CTSK: variants seen among roughly 807,000 people sequenced by gnomAD.
CTSK encodes cathepsin K.
CTSK carries 26 observed loss-of-function variants against 40.5 expected under a neutral mutation model. The observed-to-expected ratio is 0.64, with a 90% CI of 0.47 to 0.89. The LOEUF (loss-of-function observed/expected upper bound fraction) is 0.89. Among genes scored for constraint, CTSK ranks in the 40% least tolerant of loss-of-function variants. The pLI is 0.00. For synonymous variants in CTSK, 132 were observed against 143.2 expected (o/e 0.92, Z 0.56); for missense variants, 292 against 400.1 (o/e 0.73, Z 2.30).
At chr1:150,804,303 C>T in intron 4 of CTSK, 64 bp from the exon 5 acceptor site, 1 of 1,315,978 alleles carries the variant, frequency 7.6e-7, no homozygotes, top group South Asian at 1.2e-5. Context: ...TTCTCTCTAC[C>T]TGCCTGAAGA....
intron 7 of CTSK, among the ~76,000 whole-genome samples, chr1:150,798,524 G>A (rs899353488): frequency 3.3e-5 from 5 of 152,326 alleles, no homozygotes; most frequent in African/African-American, 9.6e-5. Context: ...GTTGGTTTAT[G>A]TATGTCACTA....
At position 150,796,408 on chromosome 1, in the gene CTSK, G is replaced by C. The variant is rs1160499879; in HGVS notation, c.*391C>G. ...ATATAGAAGGGAACTTAGGAAGTGA[G>C]AAGTCAGATTACCCTAGTCCTCTAG... On this transcript the variant is annotated 3_prime_UTR_variant, in exon 8 of 8. Coordinates refer to ENST00000271651, the MANE Select transcript of CTSK (RefSeq NM_000396.4). 1 of 259,216 alleles carries C rather than the reference G, an allele frequency of 3.9e-6. No individual in the cohort carries two copies. The highest frequency in any genetic ancestry group is 2.2e-5 in the African/African-American group (1 of 45,790). The allele number at this position is 259,216 out of a possible 1,614,324, so 16.1% of individuals were successfully genotyped here. A position where few individuals can be genotyped will look rare whatever the true frequency, so the allele number is the denominator to read the frequency against.
chr1:150,797,592 C>T (rs771134019), intron 7 of CTSK, among the ~76,000 whole-genome samples: 35 of 152,110 alleles, frequency 2.3e-4, no homozygotes, highest in East Asian at 5.8e-4. Context: ...AGAGAGACGA[C>T]GTGAGAAAGA....
rs1557826527 is a variant in CTSK, at chr1:150,806,022, A to G, written c.244-6T>C. ...TGAACCACCTCTTCACTGGTCTAAG[A>G]CAAAGAAGAAAGAGGCCAGGCATCA... On this transcript the variant is annotated splice_region_variant and splice_polypyrimidine_tract_variant and intron_variant, in intron 3 of 7. Coordinates refer to ENST00000271651, the MANE Select transcript of CTSK (RefSeq NM_000396.4). The G allele has an allele frequency of 6.2e-7, 1 of 1,614,220 alleles. No individual in the cohort carries two copies. The highest frequency in any genetic ancestry group is 8.5e-7 in the Non-Finnish European group (1 of 1,180,046).
At chr1:150,800,587 A>T (rs1571124354) in intron 5 of CTSK, 1 of 207,772 alleles carries the variant, frequency 4.8e-6, no homozygotes, top group East Asian at 1.1e-4. Flanking sequence ...ATGGAATCGA[A>T]TAATAGCCCA....
chr1:150,803,922 T>G (rs1300344571), intron 5 of CTSK, 99 bp downstream of exon 5: 1 of 1,059,666 alleles, frequency 9.4e-7, no homozygotes, highest in Non-Finnish European at 1.5e-6. Context: ...CAGGATAGGA[T>G]AACAGAAAAC....
chr1:150,806,844 G>C, intron 1 of CTSK, 38 bp from the exon 2 acceptor site: 1 of 1,610,796 alleles, frequency 6.2e-7, no homozygotes, highest in Non-Finnish European at 8.5e-7. Context: ...TCTTCCATTT[G>C]GCAGGGAAAC....
rs1474422274 is a variant in CTSK, at chr1:150,806,795, A to G, written c.11T>C (p.Leu4Pro). 6.2e-7 allele frequency: 1 copy of G among 1,613,960 alleles called. No homozygotes were observed. Among genetic ancestry groups the G allele is most frequent in the Non-Finnish European group, 8.5e-7 (1 of 1,180,034 alleles). MWG[L>P]KVLLLPVVSF... ...CACCACAGGTAGCAGCAGAACCTTG[A>G]GCCCCCACATCCTGCAGAAGAATGT... The change falls in exon 2 of 8, where the codon CTC (leucine) becomes CCC (proline). Residue 4 changes from leucine (L) to proline (P), a missense_variant. Leu to Pro is a moderately conservative substitution (Grantham distance 98). Coordinates refer to ENST00000271651, the MANE Select transcript of CTSK (RefSeq NM_000396.4).
At chr1:150,802,631 T>C (rs1654014820) in intron 5 of CTSK, among the ~76,000 whole-genome samples, 1 of 152,114 alleles carries the variant, frequency 6.6e-6, no homozygotes, top group Admixed American at 6.5e-5. Flanking sequence ...TGTACCAGGC[T>C]GATCTGGAAC....
At chr1:150,805,413 C>T (rs1445463577) in intron 4 of CTSK, among the ~76,000 whole-genome samples, 1 of 151,772 alleles carries the variant, frequency 6.6e-6, no homozygotes, top group Non-Finnish European at 1.5e-5. Flanking sequence ...GAGGCTGAGG[C>T]AGGTGGATCA....
chr1:150,806,959 C>T (rs1048435976), intron 1 of CTSK, among the ~76,000 whole-genome samples, 153 bp from the exon 2 acceptor site: 2 of 151,218 alleles, frequency 1.3e-5, no homozygotes, highest in African/African-American at 2.4e-5. Context: ...GCTGGTACAT[C>T]TGGTTCCAAG....
chr1:150,804,089 T>C lies in CTSK; in HGVS notation c.550A>G (p.Asn184Asp). The change falls in exon 5 of 8, where the codon AAT becomes GAT. Residue 184 changes from asparagine to aspartate, a missense_variant. Coordinates refer to ENST00000271651, the MANE Select transcript of CTSK (RefSeq NM_000396.4). ...TTCTTCTGCACATATTGGAAGGCATTGGTCATGTAGCCCCCTCCACAGCCA... is the reference window on the plus strand; with the variant it reads ...TTCTTCTGCACATATTGGAAGGCATCGGTCATGTAGCCCCCTCCACAGCCA... ...NDGCGGGYMT[N>D]AFQYVQKNRG... 3.1e-6 allele frequency: 5 copies of C among 1,614,194 alleles called. No individual in the cohort carries two copies. The highest frequency in any genetic ancestry group is 4.2e-6 in the Non-Finnish European group (5 of 1,180,034).
intron 7 of CTSK, 56 bp from the exon 8 acceptor site, chr1:150,796,954 A>T (rs1015655403): frequency 1.7e-6 from 2 of 1,179,404 alleles, no homozygotes. Flanking sequence ...ATTCATTAAA[A>T]TATTTACTGA....
Position 150,799,591 on chromosome 1 carries a change from G to T in CTSK, c.737C>A (p.Ser246Tyr). The T allele has an allele frequency of 1.2e-6, 2 of 1,614,232 alleles. No homozygotes were observed. Among genetic ancestry groups the T allele is most frequent in the Non-Finnish European group, 1.7e-6 (2 of 1,180,032 alleles). Residue 246 changes from serine (S) to tyrosine (Y), a missense_variant, in exon 6 of 8, where the codon TCT becomes TAT. Transcript: ENST00000271651. ...GGTCAGGCTTGCATCAATGGCCACA[G>T]AGACAGGTCCCACTCGGGCCACTGC... Reference protein sequence around the residue: ...KRAVARVGPVSVAIDASLTSF... With the variant: ...KRAVARVGPVYVAIDASLTSF...
intron 2 of CTSK, 137 bp from the exon 3 acceptor site, chr1:150,806,361 A>G: frequency 2.0e-6 from 2 of 991,594 alleles, no homozygotes; most frequent in Non-Finnish European, 3.0e-6. Context: ...CATGGAATTA[A>G]GAGCCTGCAA....
At chr1:150,805,680 A>T (rs587754843) in intron 4 of CTSK, among the ~76,000 whole-genome samples, 181 bp downstream of exon 4, 1 of 151,516 alleles carries the variant, frequency 6.6e-6, no homozygotes, top group East Asian at 1.9e-4. Flanking sequence ...GAAAAAGAAA[A>T]ACCAGAAACA....
At chr1:150,805,457 T>C (rs1044483122) in intron 4 of CTSK, among the ~76,000 whole-genome samples, 1 of 151,054 alleles carries the variant, frequency 6.6e-6, no homozygotes, top group Non-Finnish European at 1.5e-5. Flanking sequence ...CTGGCCAACA[T>C]GGTGAAAACG....
intron 1 of CTSK, 150 bp downstream of exon 1, chr1:150,808,064 A>G (rs1056813969): frequency 3.3e-5 from 5 of 152,252 alleles, no homozygotes; most frequent in Admixed American, 2.0e-4. Context: ...GGCAGATTTT[A>G]TTTAGCCAGG....
chr1:150,806,313 A>C, intron 2 of CTSK, 89 bp from the exon 3 acceptor site: 3 of 1,466,536 alleles, frequency 2.0e-6, no homozygotes, highest in Non-Finnish European at 2.8e-6. Context: ...AAGGAAACTC[A>C]CAATCATAAA....
Sources: gnomAD v4.1 joint callset for allele counts (sites outside exome capture counted in the v4.1 genomes callset) on GRCh38, gnomAD v4.1.1 for gene constraint, MANE v1.5 for transcripts, NCBI Gene and HGNC (gene_info 2026-07-23, HGNC 2026-07-21) for gene names.